DAPK1: variants seen among roughly 807,000 people sequenced by gnomAD.
DAPK1 encodes death-associated protein kinase 1.
In DAPK1, 56 loss-of-function variants were observed where a neutral mutation model predicts 144.9. The ratio of observed to expected loss-of-function variants is 0.39; its 90% CI spans 0.31 to 0.48. The LOEUF (loss-of-function observed/expected upper bound fraction) is 0.48. Among genes scored for constraint, DAPK1 ranks in the 20% least tolerant of loss-of-function variants. The pLI is 0.95. For missense variants in DAPK1, 1,454 were observed against 1,875.4 expected, an observed-to-expected ratio of 0.78 and a Z score of 4.15; for synonymous variants, 690 against 749.0, an observed-to-expected ratio of 0.92 and a Z score of 1.29.
At chr9:87,559,281 T>A (rs1007013677) in intron 2 of DAPK1, among the ~76,000 whole-genome samples, 1 of 129,044 alleles carries the variant, frequency 7.7e-6, no homozygotes, top group Non-Finnish European at 1.5e-5. Context: ...TATTACAGGA[T>A]AGGCTAGGGT....
At chr9:87,633,111 G>A in intron 3 of DAPK1, 1 of 982,066 alleles carries the variant, frequency 1.0e-6, no homozygotes, top group African/African-American at 1.8e-5. Flanking sequence ...GAGTACATAT[G>A]TAGAAATAAA....
intron 2 of DAPK1, among the ~76,000 whole-genome samples, chr9:87,599,881 G>A (rs1828451556): frequency 6.6e-6 from 1 of 152,108 alleles, no homozygotes; most frequent in African/African-American, 2.4e-5. Flanking sequence ...CTTGTTTTAT[G>A]TGTGTTTCTG....
intron 2 of DAPK1, 168 bp downstream of exon 2, chr9:87,499,307 C>CCAAG (rs1341610485): frequency 1.7e-5 from 11 of 643,018 alleles, no homozygotes; most frequent in Non-Finnish European, 2.8e-5. Context: ...ACCGCCTGAT[C>CCAAG]CAAGGGCCTG....
In DAPK1 at chr9:87,706,465, G is replaced by A. The variant is rs763840510; in HGVS notation, c.3394G>A (p.Val1132Met). 14 of 1,613,242 alleles carry A rather than the reference G, an allele frequency of 8.7e-6. No homozygotes were observed. Among genetic ancestry groups the A allele is most frequent in the Admixed American group, 8.3e-5 (5 of 59,952 alleles). Reference protein sequence around the residue: ...EVMVYGGVRIVPVEHLTPFPC... With the variant: ...EVMVYGGVRIMPVEHLTPFPC... ...GATGGTGTATGGTGGCGTGCGCATC[G>A]TGCCCGTGGAACACCTCACCCCCTT... Residue 1132 changes from valine (V) to methionine (M), a missense_variant, in exon 26 of 26, where the codon GTG (valine) becomes ATG (methionine). Coordinates refer to ENST00000408954, the MANE Select transcript of DAPK1 (RefSeq NM_004938.4). The surrounding 1 kb of genome is among the most constrained non-coding windows in gnomAD (Gnocchi z 9.0).
At chr9:87,683,956 C>G (rs1261920536) in intron 20 of DAPK1, among the ~76,000 whole-genome samples, 1 of 152,180 alleles carries the variant, frequency 6.6e-6, no homozygotes, top group Non-Finnish European at 1.5e-5. Context: ...TGGTGGTTGC[C>G]CCTGAAGCCT....
Position 87,686,805 on chromosome 9 carries a change from T to G in DAPK1, c.2413+66T>G. ...CTTCAACAGGGTTGTAAGTCATCCC[T>G]AAAGGGAGCTTGTCCTGAGCTGTAT... is the stretch of plus-strand genomic sequence containing the variant. On this transcript the variant is annotated intron_variant, in intron 21 of 25. Transcript: ENST00000408954. The surrounding 1 kb of genome is among the most constrained non-coding windows in gnomAD (Gnocchi z 4.2). 1 of 1,414,708 alleles carries G rather than the reference T, an allele frequency of 7.1e-7. No homozygotes were observed. Among genetic ancestry groups the G allele is most frequent in the Non-Finnish European group, 9.7e-7 (1 of 1,028,340 alleles). 87.6% of individuals were successfully genotyped at this position (1,414,708 alleles called of 1,614,324 possible). A position where few individuals can be genotyped will look rare whatever the true frequency, so the allele number is the denominator to read the frequency against.
chr9:87,562,434 A>G (rs938846126), intron 2 of DAPK1, among the ~76,000 whole-genome samples: 1 of 152,158 alleles, frequency 6.6e-6, no homozygotes, highest in African/African-American at 2.4e-5. Context: ...TTCGTCGGGA[A>G]CCAACAGGAG....
chr9:87,604,551 T>A (rs36207426), intron 2 of DAPK1, among the ~76,000 whole-genome samples: 5,279 of 151,270 alleles, frequency 0.035, 170 homozygotes, highest in South Asian at 0.11. Flanking sequence ...TCATATATAT[T>A]TTTTTTTACC....
chr9:87,649,974 C>T lies in DAPK1; in HGVS notation c.1482C>T (p.Ala494=), dbSNP rs1213903406. Residue 494 remains alanine (A), a synonymous_variant, in exon 16 of 26, where the codon GCC becomes GCT. Coordinates refer to ENST00000408954, the MANE Select transcript of DAPK1 (RefSeq NM_004938.4). ...CTTGGCACGGCTATTACTCTGTGGC[C>T]AAAGCCCTTTGTGAAGCCGGCTGTA... is the stretch of plus-strand genomic sequence containing the variant. The part of the protein sequence containing the change: ...CAAWHGYYSV[A]KALCEAGCNV... 6.2e-7 allele frequency: 1 copy of T among 1,614,174 alleles called. No individual in the cohort carries two copies. Among genetic ancestry groups the T allele is most frequent in the East Asian group, 2.2e-5 (1 of 44,864 alleles).
intron 2 of DAPK1, among the ~76,000 whole-genome samples, chr9:87,553,184 C>T (rs745646096): frequency 6.6e-6 from 1 of 152,050 alleles, no homozygotes; most frequent in Non-Finnish European, 1.5e-5. Flanking sequence ...GGCAGTAAAC[C>T]AAGCAAAATC....
chr9:87,636,537 A>G (rs1207015194), intron 3 of DAPK1, among the ~76,000 whole-genome samples: 2 of 152,360 alleles, frequency 1.3e-5, no homozygotes, highest in East Asian at 3.9e-4. Flanking sequence ...TTTTTAAAGC[A>G]TCCTCAAATA....
intron 3 of DAPK1, among the ~76,000 whole-genome samples, chr9:87,621,438 C>T (rs527865829): frequency 1.3e-5 from 2 of 152,344 alleles, no homozygotes; most frequent in South Asian, 4.1e-4. Flanking sequence ...TCCAGATTTC[C>T]TCCATTCCTG....
intron 2 of DAPK1, among the ~76,000 whole-genome samples, chr9:87,576,505 C>G (rs181059859): frequency 2.0e-5 from 3 of 152,180 alleles, no homozygotes; most frequent in Admixed American, 2.0e-4. Context: ...GCCTCTGCCC[C>G]TCATGAGCTG....
At chr9:87,558,982 G>A (rs999924103) in intron 2 of DAPK1, among the ~76,000 whole-genome samples, 1 of 152,156 alleles carries the variant, frequency 6.6e-6, no homozygotes, top group Admixed American at 6.5e-5. Flanking sequence ...CTGGGGGAGG[G>A]GAGGGTAAGT....
At chr9:87,556,994 C>A (rs975642347) in intron 2 of DAPK1, among the ~76,000 whole-genome samples, 3 of 152,132 alleles carry the variant, frequency 2.0e-5, no homozygotes, top group African/African-American at 7.2e-5. Flanking sequence ...GGCAGTTGAC[C>A]TTCGGCTTTC....
chr9:87,643,418 T>A lies in DAPK1; in HGVS notation c.961T>A (p.Ser321Thr). ...ATCACTGTGCCAAAGATTATCCAGGTCATTCCTGTCCAGAAGTAACATGAG... is the reference window on the plus strand; with the variant it reads ...ATCACTGTGCCAAAGATTATCCAGGACATTCCTGTCCAGAAGTAACATGAG... ...LISLCQRLSR[S>T]FLSRSNMSVA... Residue 321 changes from serine to threonine, a missense_variant, in exon 11 of 26, where the codon TCA (serine) becomes ACA (threonine). By Grantham distance (58) the Ser-to-Thr change is moderately conservative. Around this residue, in one of 2 missense-constraint regions of DAPK1, gnomAD observed 429 missense variants for 637.5 expected, o/e 0.67. Transcript: ENST00000408954. 2 of 1,605,916 alleles carry A rather than the reference T, an allele frequency of 1.2e-6. No homozygotes were observed. The highest frequency in any genetic ancestry group is 1.7e-6 in the Non-Finnish European group (2 of 1,177,070).
chr9:87,562,625 A>C (rs1230932039), intron 2 of DAPK1, among the ~76,000 whole-genome samples: 1 of 152,234 alleles, frequency 6.6e-6, no homozygotes, highest in African/African-American at 2.4e-5. Flanking sequence ...AGTATTAGGA[A>C]TTGAGTCATT....
intron 20 of DAPK1, 52 bp downstream of exon 20, chr9:87,681,678 C>G: frequency 1.1e-6 from 1 of 919,482 alleles, no homozygotes. Context: ...GGCTTCCGCA[C>G]TCTCTCCTTT....
chr9:87,537,207 C>T (rs529323456), intron 2 of DAPK1, among the ~76,000 whole-genome samples: 4 of 152,206 alleles, frequency 2.6e-5, no homozygotes, highest in East Asian at 3.9e-4. Context: ...AGGCTTGTCT[C>T]GAACTCCTGC....
Sources: allele counts gnomAD v4.1 joint callset (sites outside exome capture counted in the v4.1 genomes callset), GRCh38; gene constraint gnomAD v4.1.1; regional missense constraint gnomAD v4.1.1; non-coding constraint Gnocchi (gnomAD v3.1); transcripts MANE v1.5; gene names NCBI Gene and HGNC (gene_info 2026-07-23, HGNC 2026-07-21).